Variants in UNC13B observed in about 807,000 individuals in gnomAD.
UNC13B encodes protein unc-13 homolog B.
Under a neutral mutation model 211.0 loss-of-function variants are expected in UNC13B, and 144 were observed. The observed-to-expected ratio is 0.68, with a 90% confidence interval of 0.60 to 0.78. The LOEUF (loss-of-function observed/expected upper bound fraction) is 0.78. Ranked by LOEUF, UNC13B falls within the 30% of genes least tolerant of loss-of-function variation. The pLI is 0.00. For missense variants in UNC13B, 1,777 were observed against 2,002.0 expected (o/e 0.89, Z 2.14); for synonymous variants, 709 against 725.8 (o/e 0.98, Z 0.37).
intron 8 of UNC13B, 90 bp from the exon 9 acceptor site, chr9:35,300,076 A>G (rs1382539145): frequency 5.0e-6 from 2 of 397,678 alleles, no homozygotes; most frequent in Non-Finnish European, 8.9e-6. Context: ...AAAAACAACC[A>G]AAGTATAAGA....
At chr9:35,342,824 T>G (rs2132021317) in intron 11 of UNC13B, among the ~76,000 whole-genome samples, 1 of 152,364 alleles carries the variant, frequency 6.6e-6, no homozygotes, top group Non-Finnish European at 1.5e-5. Flanking sequence ...TGTGTATGCA[T>G]GTACTCAAGT....
intron 2 of UNC13B, among the ~76,000 whole-genome samples, chr9:35,230,674 C>T (rs999343615): frequency 1.3e-5 from 2 of 151,882 alleles, no homozygotes; most frequent in South Asian, 2.1e-4. Flanking sequence ...ATTAAATTTA[C>T]GTACCTTATC....
chr9:35,188,021 T>G (rs1176515550), intron 1 of UNC13B, among the ~76,000 whole-genome samples: 1 of 152,204 alleles, frequency 6.6e-6, no homozygotes, highest in African/African-American at 2.4e-5. Context: ...CATAAGTAGT[T>G]CAAAATAAGT....
intron 6 of UNC13B, among the ~76,000 whole-genome samples, chr9:35,247,095 A>G (rs2131574829): frequency 6.6e-6 from 1 of 152,076 alleles, no homozygotes; most frequent in South Asian, 2.1e-4. Context: ...ATTCCTAGGT[A>G]TTTTATTCTC....
chr9:35,398,152 G>T, intron 30 of UNC13B, 59 bp from the exon 31 acceptor site: 1 of 1,529,326 alleles, frequency 6.5e-7, no homozygotes, highest in South Asian at 1.2e-5. Context: ...AGGGAACCTA[G>T]GCTAATGGGT....
At chr9:35,183,526 CCA>C (rs1409283065) in intron 1 of UNC13B, among the ~76,000 whole-genome samples, 2 of 136,080 alleles carry the variant, frequency 1.5e-5, no homozygotes, top group Non-Finnish European at 3.2e-5. Flanking sequence ...AGAGGCTCCC[CCA>C]ACCTCCCAGA....
chr9:35,277,364 T>G (rs1330295917), intron 7 of UNC13B, among the ~76,000 whole-genome samples: 1 of 152,168 alleles, frequency 6.6e-6, no homozygotes, highest in East Asian at 1.9e-4. Context: ...GAGACATGAG[T>G]TTGGCAATAG....
At chr9:35,350,357 T>C (rs1474911112) in intron 11 of UNC13B, among the ~76,000 whole-genome samples, 1 of 152,192 alleles carries the variant, frequency 6.6e-6, no homozygotes. Context: ...ATGTCCCATG[T>C]GATATTCTCT....
chr9:35,262,534 T>C (rs1049682740), intron 7 of UNC13B, among the ~76,000 whole-genome samples: 8 of 152,084 alleles, frequency 5.3e-5, no homozygotes, highest in African/African-American at 1.7e-4. Flanking sequence ...GCCAGGCTGT[T>C]CTTGAACTCC....
At chr9:35,210,308 A>G (rs917989368) in intron 1 of UNC13B, among the ~76,000 whole-genome samples, 1 of 152,174 alleles carries the variant, frequency 6.6e-6, no homozygotes, top group Admixed American at 6.5e-5. Flanking sequence ...TGTTAAAATT[A>G]AATGAATTTA....
At chr9:35,193,515 C>G (rs113980999) in intron 1 of UNC13B, among the ~76,000 whole-genome samples, 3 of 151,954 alleles carry the variant, frequency 2.0e-5, no homozygotes, top group African/African-American at 7.2e-5. Flanking sequence ...GGCATGGTGG[C>G]ATGTAATCCA....
intron 7 of UNC13B, among the ~76,000 whole-genome samples, chr9:35,280,438 CA>C (rs1828418586): frequency 6.6e-6 from 1 of 152,084 alleles, no homozygotes; most frequent in African/African-American, 2.4e-5. Flanking sequence ...AGTAAAGGAT[CA>C]GACAGGGTAT....
At chr9:35,335,895 G>A (rs925943150) in intron 11 of UNC13B, among the ~76,000 whole-genome samples, 1 of 151,980 alleles carries the variant, frequency 6.6e-6, no homozygotes. Flanking sequence ...TTGTAGAGAT[G>A]GGGGTCCCCC....
intron 8 of UNC13B, among the ~76,000 whole-genome samples, chr9:35,296,944 C>T (rs1829389283): frequency 1.3e-5 from 2 of 152,132 alleles, no homozygotes; most frequent in African/African-American, 4.8e-5. Context: ...CAGTTATCTC[C>T]ATAATGTTCT....
rs1025049305 is a variant in UNC13B, at chr9:35,162,372, A to AC, written c.22+68dup. On this transcript the variant is annotated intron_variant, in intron 1 of 39. Coordinates refer to ENST00000635942, the MANE Select transcript of UNC13B (RefSeq NM_001371189.2). ...AGAGGTCCCCGCACCCTTCCAGTGG[A>AC]CGTCCGGTGACCGTCTCACCCAAAC... 3.8e-5 allele frequency: 56 copies of AC among 1,465,544 alleles called. No individual in the cohort carries two copies. In the African/African-American group the frequency reaches 7.2e-4, roughly 19 times the overall value. 90.8% of individuals were successfully genotyped at this position (1,465,544 alleles called of 1,614,324 possible). A position where few individuals can be genotyped will look rare whatever the true frequency, so the allele number is the denominator to read the frequency against.
At chr9:35,225,972 A>G (rs1273989774) in intron 1 of UNC13B, among the ~76,000 whole-genome samples, 1 of 152,092 alleles carries the variant, frequency 6.6e-6, no homozygotes, top group Non-Finnish European at 1.5e-5. Flanking sequence ...TGGTGGGAGC[A>G]GGCTTGATAA....
chr9:35,380,789 A>G (rs1026609840), intron 18 of UNC13B, 150 bp downstream of exon 18: 128 of 1,080,970 alleles, frequency 1.2e-4, no homozygotes, highest in Non-Finnish European at 6.7e-5. Context: ...GTGGGGAGGG[A>G]TGGGGGACAG....
chr9:35,300,644 T>G lies in UNC13B; in HGVS notation c.1240T>G (p.Tyr414Asp), dbSNP rs1829628852. Residue 414 changes from tyrosine (Y) to aspartate (D), a missense_variant, in exon 9 of 40, where the codon TAT (tyrosine) becomes GAT (aspartate). By Grantham distance (160) the Tyr-to-Asp change is radical (BLOSUM62 -3). Coordinates refer to ENST00000635942, the MANE Select transcript of UNC13B (RefSeq NM_001371189.2). ...TATTGGAGATTTTCCTGAGGAATAT[T>G]ATGTAGCAAATTCAGCATTGCCATT... ...HHIGDFPEEY[Y>D]VANSALPLQR... 1 of 398,860 alleles carries G rather than the reference T, an allele frequency of 2.5e-6. No individual in the cohort carries two copies. The highest frequency in any genetic ancestry group is 1.3e-4 in the South Asian group (1 of 7,864). 24.7% of individuals were successfully genotyped at this position (398,860 alleles called of 1,614,324 possible).
chr9:35,393,814 A>AC (rs962628292), intron 26 of UNC13B, among the ~76,000 whole-genome samples: 25 of 150,484 alleles, frequency 1.7e-4, no homozygotes, highest in African/African-American at 5.9e-4. Context: ...CAAGTGATCC[A>AC]CCCCCCTCAG....
Sources: gnomAD v4.1 joint callset for allele counts (sites outside exome capture counted in the v4.1 genomes callset) on GRCh38, gnomAD v4.1.1 for gene constraint, MANE v1.5 for transcripts, NCBI Gene and HGNC (gene_info 2026-07-23, HGNC 2026-07-21) for gene names.